Variants in TTC34 observed in about 807,000 individuals in gnomAD.
TTC34 encodes tetratricopeptide repeat protein 34.
A neutral mutation model predicts 40.7 loss-of-function variants in TTC34; 44 were observed. The observed-to-expected ratio is 1.08, with a 90% CI of 0.85 to 1.39. The LOEUF is 1.39. Among genes scored for constraint, TTC34 ranks in the 40% most tolerant of loss-of-function variants. TTC34 has a pLI of 0.00. For synonymous variants in TTC34, 422 were observed against 398.6 expected, an observed-to-expected ratio of 1.06 and a Z score of -0.70; for missense variants, 884 against 838.0, an observed-to-expected ratio of 1.05 and a Z score of -0.68.
At chr1:2,647,527 A>G (rs951523959) in intron 6 of TTC34, among the ~76,000 whole-genome samples, 15 of 152,286 alleles carry the variant, frequency 9.8e-5, no homozygotes, top group South Asian at 8.3e-4. Context: ...CCAGCTACTC[A>G]GGAGGCTAAG....
intron 6 of TTC34, among the ~76,000 whole-genome samples, chr1:2,749,444 C>T (rs1354862551): frequency 2.8e-5 from 2 of 72,398 alleles, no homozygotes; most frequent in Non-Finnish European, 5.2e-5. Flanking sequence ...GCACCGACAC[C>T]CCCAGGTGAG....
chr1:2,798,866 TCAGCCTCCAAGCCTCC>T (rs1643740740), intron 2 of TTC34, among the ~76,000 whole-genome samples: 1 of 22,512 alleles, frequency 4.4e-5, no homozygotes, highest in Non-Finnish European at 8.2e-5. Flanking sequence ...TCCCAGCCTC[TCAGCCTCCAAGCCTCC>T]CAGCCCCCCA....
chr1:2,764,212 G>A (rs1405790549), intron 6 of TTC34, among the ~76,000 whole-genome samples: 3 of 148,772 alleles, frequency 2.0e-5, no homozygotes, highest in South Asian at 2.1e-4. Flanking sequence ...GTCTGGAACA[G>A]CATCCACACA....
At chr1:2,747,603 T>G in intron 6 of TTC34, among the ~76,000 whole-genome samples, 1 of 139,312 alleles carries the variant, frequency 7.2e-6, no homozygotes, top group South Asian at 2.4e-4. Flanking sequence ...CATGCCCAGG[T>G]GAGCCTCTGA....
At chr1:2,687,700 T>C (rs1481241369) in intron 6 of TTC34, among the ~76,000 whole-genome samples, 115 of 148,308 alleles carry the variant, frequency 7.8e-4, no homozygotes, top group Non-Finnish European at 1.3e-3. Flanking sequence ...CAGTTGAGCA[T>C]CTGACAGCCG....
At chr1:2,782,482 T>G (rs1386812922) in intron 6 of TTC34, among the ~76,000 whole-genome samples, 7 of 149,056 alleles carry the variant, frequency 4.7e-5, no homozygotes, top group African/African-American at 1.8e-4. Flanking sequence ...CTATCCTATG[T>G]TTTATTGATC....
At chr1:2,647,386 A>C (rs1639040088) in intron 6 of TTC34, among the ~76,000 whole-genome samples, 2 of 152,048 alleles carry the variant, frequency 1.3e-5, no homozygotes, top group Non-Finnish European at 2.9e-5. Context: ...GCATGTTGGG[A>C]GGCTGAGGTG....
intron 3 of TTC34, 23 bp from the exon 4 acceptor site, chr1:2,787,729 G>A: frequency 6.7e-7 from 1 of 1,495,642 alleles, no homozygotes; most frequent in Non-Finnish European, 9.0e-7. Context: ...CAGCTCAGGG[G>A]GGCATGCCCC....
At chr1:2,749,753 C>G (rs1178985245) in intron 6 of TTC34, among the ~76,000 whole-genome samples, 1 of 71,386 alleles carries the variant, frequency 1.4e-5, no homozygotes, top group Admixed American at 1.4e-4. Flanking sequence ...CAGACTGGAA[C>G]AGCTCCCACA....
intron 6 of TTC34, among the ~76,000 whole-genome samples, chr1:2,777,938 G>C (rs1165227963): frequency 6.6e-6 from 1 of 152,226 alleles, no homozygotes; most frequent in Non-Finnish European, 1.5e-5. Flanking sequence ...ACATCCAGCT[G>C]TTAAATGGGC....
exon 9 of TTC34, chr1:2,638,011 G>A (rs916086655): frequency 2.0e-5 from 3 of 152,142 alleles, no homozygotes; most frequent in Non-Finnish European, 4.4e-5. Context: ...TCCTTCCAGG[G>A]GAAGCAGCTT....
intron 6 of TTC34, among the ~76,000 whole-genome samples, chr1:2,688,563 A>C (rs1333577164): frequency 7.8e-6 from 1 of 128,226 alleles, no homozygotes; most frequent in Non-Finnish European, 1.6e-5. Flanking sequence ...ACGGAGCAGC[A>C]CCCACACCTT....
intron 6 of TTC34, among the ~76,000 whole-genome samples, chr1:2,782,534 G>C (rs1643502071): frequency 6.6e-6 from 1 of 151,128 alleles, no homozygotes; most frequent in Non-Finnish European, 1.5e-5. Context: ...TTCTCTTTCT[G>C]TTCATGTGTT....
rs1219603318 is a variant in TTC34 at position 2,800,881 on chromosome 1, G to A, written c.-41-13C>T. 1 of 398,570 alleles carries A rather than the reference G, an allele frequency of 2.5e-6. No individual in the cohort carries two copies. The allele number at this position is 398,570 out of a possible 1,614,324, so 24.7% of individuals were successfully genotyped here. On this transcript the variant is annotated splice_polypyrimidine_tract_variant and intron_variant, in intron 1 of 8. Coordinates refer to ENST00000401095, the Ensembl canonical transcript of TTC34. The stretch of plus-strand genomic sequence containing the variant: ...GTCCTCAGAGTACCTGGGGGTGGGG[G>A]AGCATGGTGAGTCCACAGAGGGCGG...
rs1411960336 is a variant in TTC34, at chr1:2,644,254, C to A, written c.2712+10G>T. ...GTTGGGGTGGGAGATCTGTGGGGTTCTTTGGGCACCTGGGCAAGGCTCTGC... is the reference window on the plus strand; with the variant it reads ...GTTGGGGTGGGAGATCTGTGGGGTTATTTGGGCACCTGGGCAAGGCTCTGC... On this transcript the variant is annotated intron_variant, in intron 8 of 8. Coordinates refer to ENST00000401095, the Ensembl canonical transcript of TTC34. 2.0e-6 allele frequency: 3 copies of A among 1,530,816 alleles called. No homozygotes were observed. In the East Asian group the frequency reaches 7.4e-5, roughly 38 times the overall value. The allele number at this position is 1,530,816 out of a possible 1,614,324, so 94.8% of individuals were successfully genotyped here. A position where few individuals can be genotyped will look rare whatever the true frequency, so the allele number is the denominator to read the frequency against.
intron 2 of TTC34, among the ~76,000 whole-genome samples, chr1:2,792,594 C>A (rs1190643223): frequency 6.6e-6 from 1 of 152,172 alleles, no homozygotes; most frequent in African/African-American, 2.4e-5. Flanking sequence ...TTTTGGTGGA[C>A]AGAGCTGAAG....
chr1:2,749,549 T>G (rs1428418654), intron 6 of TTC34, among the ~76,000 whole-genome samples: 15 of 22,408 alleles, frequency 6.7e-4, no homozygotes, highest in African/African-American at 1.1e-3. Context: ...TGAACGCAAA[T>G]AGCAGCACCC....
chr1:2,654,248 A>ACAC (rs1639258805), intron 6 of TTC34, among the ~76,000 whole-genome samples: 1 of 138,630 alleles, frequency 7.2e-6, no homozygotes, highest in Admixed American at 7.6e-5. Flanking sequence ...CAGCACCCAC[A>ACAC]CCACCAGGTG....
chr1:2,771,627 TG>T (rs1642170077), intron 6 of TTC34, among the ~76,000 whole-genome samples: 1 of 63,620 alleles, frequency 1.6e-5, no homozygotes, highest in Non-Finnish European at 2.7e-5. Context: ...GGTGACAGCC[TG>T]GAGCAGTGCC....
Sources: gnomAD v4.1 joint callset for allele counts (sites outside exome capture counted in the v4.1 genomes callset) on GRCh38, gnomAD v4.1.1 for gene constraint, MANE v1.5 for transcripts, NCBI Gene and HGNC (gene_info 2026-07-23, HGNC 2026-07-21) for gene names.